The following SDK1 variants were observed in gnomAD, a reference collection of about 807,000 sequenced individuals.
SDK1 encodes sidekick cell adhesion molecule 1.
A neutral mutation model predicts 245.5 loss-of-function variants in SDK1; 157 were observed. That is an observed-to-expected ratio of 0.64 (90% CI 0.56 to 0.73). The LOEUF is 0.73. Among genes scored for constraint, SDK1 ranks in the 30% least tolerant of loss-of-function variants. The probability of loss-of-function intolerance (pLI) is 0.00; values close to 1 mark genes in which losing one functional copy is unlikely to be tolerated. For synonymous variants in SDK1, 1,647 were observed against 1,278.5 expected (o/e 1.29, Z -6.15); for missense variants, 3,583 against 3,002.3 (o/e 1.19, Z -4.52).
chr7:4,251,481 T>G (rs1221751577), intron 44 of SDK1, among the ~76,000 whole-genome samples: 1 of 152,196 alleles, frequency 6.6e-6, no homozygotes, highest in East Asian at 1.9e-4. Flanking sequence ...TACCACGGCT[T>G]TACCATAGCC....
At chr7:3,522,579 C>G (rs1486835777) in intron 1 of SDK1, among the ~76,000 whole-genome samples, 1 of 151,978 alleles carries the variant, frequency 6.6e-6, no homozygotes, top group African/African-American at 2.4e-5. Context: ...AGAAGGAGCC[C>G]TGATATGTTT....
intron 37 of SDK1, 66 bp from the exon 38 acceptor site, chr7:4,209,959 A>G (rs1784427072): frequency 6.9e-6 from 9 of 1,312,476 alleles, no homozygotes; most frequent in Non-Finnish European, 9.1e-6. Context: ...ACGGAGGCAC[A>G]GACATGTATG....
At chr7:3,392,408 C>G (rs765718814) in intron 1 of SDK1, among the ~76,000 whole-genome samples, 2 of 151,984 alleles carry the variant, frequency 1.3e-5, no homozygotes, top group African/African-American at 2.4e-5. Context: ...TGACATGACT[C>G]CATTAGTTTT....
At chr7:3,797,276 C>A (rs955152869) in intron 4 of SDK1, among the ~76,000 whole-genome samples, 1 of 152,144 alleles carries the variant, frequency 6.6e-6, no homozygotes, top group African/African-American at 2.4e-5. Context: ...AGCTGCCACA[C>A]CCGTCCCATA....
At chr7:3,544,687 G>C (rs1779162315) in intron 1 of SDK1, among the ~76,000 whole-genome samples, 1 of 152,220 alleles carries the variant, frequency 6.6e-6, no homozygotes, top group Non-Finnish European at 1.5e-5. Flanking sequence ...AAAACATCAG[G>C]AAAACTAGGA....
chr7:3,774,971 C>A (rs1486086305), intron 4 of SDK1, among the ~76,000 whole-genome samples: 1 of 152,110 alleles, frequency 6.6e-6, no homozygotes, highest in Non-Finnish European at 1.5e-5. Flanking sequence ...CTGCCGGGGA[C>A]CTGTGAAGGC....
In SDK1 at chr7:4,268,775, G is replaced by A; in HGVS notation, c.*3391G>A. 7.3e-7 allele frequency: 1 copy of A among 1,364,424 alleles called. No homozygotes were observed. Among genetic ancestry groups the A allele is most frequent in the Non-Finnish European group, 9.8e-7 (1 of 1,018,918 alleles). The allele number at this position is 1,364,424 out of a possible 1,614,324, so 84.5% of individuals were successfully genotyped here. On this transcript the variant is annotated 3_prime_UTR_variant, in exon 45 of 45. Coordinates refer to ENST00000404826, the MANE Select transcript of SDK1 (RefSeq NM_152744.4). ...GCATGGATCCAGTCTGAAAGGTGAG[G>A]ACAACGTGGAAACTCATGAGCTGAG... is the stretch of plus-strand genomic sequence containing the variant.
intron 1 of SDK1, among the ~76,000 whole-genome samples, chr7:3,490,596 C>T (rs1023746565): frequency 2.6e-5 from 4 of 152,198 alleles, no homozygotes; most frequent in Non-Finnish European, 2.9e-5. Context: ...TTCCATTTAG[C>T]TTTATATCAA....
At chr7:3,986,469 C>A (rs1011513474) in intron 13 of SDK1, among the ~76,000 whole-genome samples, 1 of 152,222 alleles carries the variant, frequency 6.6e-6, no homozygotes, top group Non-Finnish European at 1.5e-5. Flanking sequence ...GAAACATTCC[C>A]GTTACATGTA....
At chr7:3,715,298 AC>A (rs377169675) in intron 4 of SDK1, among the ~76,000 whole-genome samples, 1 of 152,144 alleles carries the variant, frequency 6.6e-6, no homozygotes, top group African/African-American at 2.4e-5. Context: ...GTATCCACTT[AC>A]CAGAAATTTT....
At chr7:4,260,528 G>T (rs1258474594) in intron 44 of SDK1, among the ~76,000 whole-genome samples, 1 of 131,616 alleles carries the variant, frequency 7.6e-6, no homozygotes, top group Non-Finnish European at 1.6e-5. Context: ...CGGGGTCTCT[G>T]TGTGTGGGAA....
intron 16 of SDK1, among the ~76,000 whole-genome samples, chr7:4,015,472 C>T (rs1291794758): frequency 6.6e-6 from 1 of 152,140 alleles, no homozygotes; most frequent in Non-Finnish European, 1.5e-5. Flanking sequence ...TTATTTTAAG[C>T]GTTCATCTTT....
intron 1 of SDK1, among the ~76,000 whole-genome samples, chr7:3,504,407 C>G (rs917402985): frequency 6.6e-6 from 1 of 151,892 alleles, no homozygotes; most frequent in African/African-American, 2.4e-5. Flanking sequence ...TTTCCAATTT[C>G]AAACTTACTT....
chr7:4,265,142 G>GAGGAC lies in SDK1; in HGVS notation c.6401_6405dup (p.Ala2136ArgfsTer10). On this transcript the variant is annotated frameshift_variant, in exon 45 of 45. Transcript: ENST00000404826. LOFTEE classifies it high-confidence loss of function. ...CCCGCAGGCCACGGACTCTGACTACGAGGACGCGCTGCCCAAGCACTCCTT... is the reference window on the plus strand; with the variant it reads ...CCCGCAGGCCACGGACTCTGACTACGAGGACAGGACGCGCTGCCCAAGCACTCCTT... 1.2e-6 allele frequency: 2 copies of GAGGAC among 1,612,076 alleles called. No homozygotes were observed. The highest frequency in any genetic ancestry group is 2.2e-5 in the South Asian group (2 of 90,998).
In SDK1 at chr7:4,113,400, C is replaced by T; in HGVS notation, c.3546C>T (p.Val1182=). The change falls in exon 24 of 45, where the codon GTC becomes GTT. Residue 1182 remains valine (V), a synonymous_variant. Transcript: ENST00000404826. ...PPDVAPTSVT[V]RTASETSLRL... The stretch of plus-strand genomic sequence containing the variant: ...ACGTGGCTCCAACCAGCGTCACGGT[C>T]CGTACTGCCAGTGAGACCAGCCTGC... 1.2e-6 allele frequency: 2 copies of T among 1,613,948 alleles called. No individual in the cohort carries two copies. Among genetic ancestry groups the T allele is most frequent in the Non-Finnish European group, 1.7e-6 (2 of 1,180,032 alleles).
chr7:3,468,194 A>G (rs1252826483), intron 1 of SDK1, among the ~76,000 whole-genome samples: 1 of 152,194 alleles, frequency 6.6e-6, no homozygotes, highest in African/African-American at 2.4e-5. Context: ...ATGCTTTTCT[A>G]GATAACTGTA....
chr7:3,614,612 G>A (rs575573214), intron 1 of SDK1, among the ~76,000 whole-genome samples: 1 of 152,084 alleles, frequency 6.6e-6, no homozygotes, highest in Middle Eastern at 3.2e-3. Context: ...CTCCCTTTCT[G>A]TCCCCAAAGT....
At chr7:3,445,672 T>A (rs1175041153) in intron 1 of SDK1, among the ~76,000 whole-genome samples, 2 of 152,192 alleles carry the variant, frequency 1.3e-5, no homozygotes, top group African/African-American at 4.8e-5. Flanking sequence ...TGTCATTTTA[T>A]GAACCTTCCT....
chr7:3,925,038 C>T lies in SDK1; in HGVS notation c.848-25885C>T, dbSNP rs144330009. Among the ~76,000 whole-genome samples the T allele has an allele frequency of 4.9e-4, 74 of 152,294 alleles. No homozygotes were observed. In the East Asian group the frequency reaches 8.5e-3, roughly 18 times the overall value. On this transcript the variant is annotated intron_variant, in intron 5 of 44. Coordinates refer to ENST00000404826, the MANE Select transcript of SDK1 (RefSeq NM_152744.4). ...ATGTGATTCTTGACAACTGATTTGT[C>T]AGCTCATTTTCCCCTTTTCTCAATG...
Sources: allele counts gnomAD v4.1 joint callset (sites outside exome capture counted in the v4.1 genomes callset), GRCh38; gene constraint gnomAD v4.1.1; transcripts MANE v1.5; gene names NCBI Gene and HGNC (gene_info 2026-07-23, HGNC 2026-07-21).